Variants in TMEM132D observed in about 807,000 individuals in gnomAD.
TMEM132D encodes transmembrane protein 132D, also known as mature OL transmembrane protein.
TMEM132D carries 21 observed loss-of-function variants against 62.3 expected under a neutral mutation model. That is an observed-to-expected ratio of 0.34 (90% CI 0.24 to 0.49). The LOEUF (loss-of-function observed/expected upper bound fraction) is 0.49. Ranked by LOEUF, TMEM132D falls within the 20% of genes least tolerant of loss-of-function variation. TMEM132D has a pLI of 0.99. For missense variants in TMEM132D, 1,346 were observed against 1,402.8 expected, an observed-to-expected ratio of 0.96 and a Z score of 0.65; for synonymous variants, 621 against 575.6, an observed-to-expected ratio of 1.08 and a Z score of -1.13.
At chr12:129,861,534 G>C (rs998518349) in intron 1 of TMEM132D, among the ~76,000 whole-genome samples, 2 of 152,192 alleles carry the variant, frequency 1.3e-5, no homozygotes, top group Non-Finnish European at 2.9e-5. Context: ...GCCAAGGTGG[G>C]TGAATCACCT....
At chr12:129,742,512 T>C (rs534429989) in intron 1 of TMEM132D, among the ~76,000 whole-genome samples, 4 of 152,326 alleles carry the variant, frequency 2.6e-5, no homozygotes, top group Admixed American at 6.5e-5. Context: ...ACCTCCCACA[T>C]TGGAGGTCAC....
At chr12:129,395,808 A>T (rs1871410604) in intron 3 of TMEM132D, among the ~76,000 whole-genome samples, 4 of 92,754 alleles carry the variant, frequency 4.3e-5, no homozygotes, top group African/African-American at 7.7e-5. Context: ...TTCTATATAG[A>T]TATATCTATA....
At chr12:129,885,376 C>T (rs1027194045) in intron 1 of TMEM132D, among the ~76,000 whole-genome samples, 2 of 152,240 alleles carry the variant, frequency 1.3e-5, no homozygotes, top group African/African-American at 4.8e-5. Flanking sequence ...GTACACACAA[C>T]AGATGGCTTC....
intron 3 of TMEM132D, among the ~76,000 whole-genome samples, chr12:129,411,382 G>GTTTTA (rs890104017): frequency 6.6e-6 from 1 of 152,158 alleles, no homozygotes; most frequent in South Asian, 2.1e-4. Context: ...GTTTTGTTTT[G>GTTTTA]TTTTGAGACA....
At chr12:129,086,051 C>T (rs1232575347) in intron 5 of TMEM132D, 2 of 152,354 alleles carry the variant, frequency 1.3e-5, no homozygotes, top group East Asian at 3.9e-4. Context: ...CTTTTCCCCT[C>T]CCAGCTTTAC....
intron 2 of TMEM132D, among the ~76,000 whole-genome samples, chr12:129,617,620 G>GTTGATGC (rs1181965026): frequency 9.2e-5 from 14 of 152,134 alleles, no homozygotes; most frequent in Non-Finnish European, 1.8e-4. Flanking sequence ...TGCGAGAGAT[G>GTTGATGC]GAGTCACAGG....
At chr12:129,234,792 T>C (rs1879735235) in intron 4 of TMEM132D, among the ~76,000 whole-genome samples, 1 of 152,166 alleles carries the variant, frequency 6.6e-6, no homozygotes, top group Non-Finnish European at 1.5e-5. Context: ...AGTATAATGA[T>C]TTTCATTCAC....
At position 129,209,585 on chromosome 12, in the gene TMEM132D, C is replaced by T. The variant is rs12816538; in HGVS notation, c.1378G>A (p.Asp460Asn). The change falls in exon 5 of 9, where the codon GAC (aspartate) becomes AAC (asparagine). Residue 460 changes from aspartate to asparagine, a missense_variant. Physicochemically the swap from Asp to Asn is conservative, Grantham distance 23. Coordinates refer to ENST00000422113, the MANE Select transcript of TMEM132D (RefSeq NM_133448.3). Reference protein sequence around the residue: ...VPVKVVSVEDDGTVTELLESV... With the variant: ...VPVKVVSVEDNGTVTELLESV... The stretch of plus-strand genomic sequence containing the variant: ...TCCAGCAGCTCTGTCACTGTGCCGT[C>T]GTCCTCCACGGAGACCACTTTCACC... 2.5e-6 allele frequency: 4 copies of T among 1,614,078 alleles called. No individual in the cohort carries two copies. The highest frequency in any genetic ancestry group is 3.4e-6 in the Non-Finnish European group (4 of 1,180,030).
At chr12:129,534,930 C>A (rs192609434) in intron 2 of TMEM132D, among the ~76,000 whole-genome samples, 12 of 141,030 alleles carry the variant, frequency 8.5e-5, no homozygotes, top group African/African-American at 3.5e-4. Context: ...CCCATCCTCC[C>A]ATCCAGTCCC....
chr12:129,509,870 C>T (rs1056755527), intron 3 of TMEM132D, among the ~76,000 whole-genome samples: 14 of 152,110 alleles, frequency 9.2e-5, no homozygotes, highest in Non-Finnish European at 1.8e-4. Flanking sequence ...CCATTCATCG[C>T]TGATGGACAC....
intron 3 of TMEM132D, among the ~76,000 whole-genome samples, chr12:129,524,179 T>C (rs190601350): frequency 6.6e-6 from 1 of 151,706 alleles, no homozygotes. Flanking sequence ...CATGTATACA[T>C]ATGTAACAAA....
intron 5 of TMEM132D, among the ~76,000 whole-genome samples, chr12:129,106,555 G>A (rs938514986): frequency 6.6e-6 from 1 of 152,098 alleles, no homozygotes; most frequent in African/African-American, 2.4e-5. Flanking sequence ...GAATACAATG[G>A]AAACTGCCAT....
intron 1 of TMEM132D, among the ~76,000 whole-genome samples, chr12:129,713,821 T>C (rs993962144): frequency 6.6e-6 from 1 of 152,168 alleles, no homozygotes; most frequent in Non-Finnish European, 1.5e-5. Context: ...CCAGAGCTTC[T>C]GTTCAGCAGG....
intron 1 of TMEM132D, among the ~76,000 whole-genome samples, chr12:129,742,618 CA>C (rs1869645475): frequency 6.6e-6 from 1 of 152,210 alleles, no homozygotes; most frequent in Admixed American, 6.5e-5. Flanking sequence ...GGTCCTTAAA[CA>C]ATTAAGTTTT....
rs1042031890 is a variant in TMEM132D at position 129,464,504 on chromosome 12, T to G, written c.1115+66555A>C. Among the ~76,000 whole-genome samples the G allele has an allele frequency of 1.2e-3, 183 of 152,344 alleles. 1 individual carries two copies. The highest frequency in any genetic ancestry group is 0.01 in the Middle Eastern group (3 of 294). On this transcript the variant is annotated intron_variant, in intron 3 of 8. Transcript: ENST00000422113. Reference sequence around the variant, plus strand: ...GATCCCATTTGTCAATTTTGGCTTTTGTTGCCATTGCTTTTGGTGTTTTAG... The same window carrying G: ...GATCCCATTTGTCAATTTTGGCTTTGGTTGCCATTGCTTTTGGTGTTTTAG...
Position 129,071,954 on chromosome 12 carries a change from G to T in TMEM132D, c.*1921C>A, listed in dbSNP as rs1380975759. ...CAGCTTAATCACCCAACCAAACAAG[G>T]TAGGTAAGCTTGCGGACAGGAGCAG... On this transcript the variant is annotated 3_prime_UTR_variant, in exon 9 of 9. Transcript: ENST00000422113. 6.6e-6 allele frequency: 1 copy of T among 152,190 alleles called. No homozygotes were observed. Among genetic ancestry groups the T allele is most frequent in the Non-Finnish European group, 1.5e-5 (1 of 68,058 alleles). The allele number at this position is 152,190 out of a possible 1,614,324, so 9.4% of individuals were successfully genotyped here.
At chr12:129,434,361 T>C (rs35980877) in intron 3 of TMEM132D, among the ~76,000 whole-genome samples, 33,736 of 152,132 alleles carry the variant, frequency 0.22, 5,079 homozygotes, top group African/African-American at 0.42. Context: ...TGAATGAACA[T>C]GGCCGAATGA....
At chr12:129,496,077 T>C (rs1016781910) in intron 3 of TMEM132D, among the ~76,000 whole-genome samples, 1 of 152,200 alleles carries the variant, frequency 6.6e-6, no homozygotes, top group Non-Finnish European at 1.5e-5. Context: ...CATGAAGATA[T>C]TGATTGGTTT....
intron 3 of TMEM132D, among the ~76,000 whole-genome samples, chr12:129,468,584 C>A (rs929426290): frequency 6.6e-6 from 1 of 151,738 alleles, no homozygotes; most frequent in Admixed American, 6.6e-5. Context: ...TTTGTTTTAC[C>A]TTTTTGTATC....
Sources: allele counts gnomAD v4.1 joint callset (sites outside exome capture counted in the v4.1 genomes callset), GRCh38; gene constraint gnomAD v4.1.1; transcripts MANE v1.5; gene names NCBI Gene and HGNC (gene_info 2026-07-23, HGNC 2026-07-21).